The following BMAL2 variants were observed in gnomAD, a reference collection of about 807,000 sequenced individuals.
BMAL2 encodes the protein basic helix-loop-helix ARNT-like protein 2.
the BMAL2 span, among the ~76,000 whole-genome samples, chr12:27,384,487 A>T: frequency 3.9e-5 from 6 of 152,230 alleles, no homozygotes; most frequent in African/African-American, 7.2e-5. Flanking sequence ...TTAGAATTCC[A>T]GAATACCCCC....
chr12:27,413,316 G>A, the BMAL2 span, among the ~76,000 whole-genome samples: 1 of 152,072 alleles, frequency 6.6e-6, no homozygotes, highest in Non-Finnish European at 1.5e-5. Context: ...AATAATTATA[G>A]CTACAATAAT....
chr12:27,357,210 A>G, the BMAL2 span, among the ~76,000 whole-genome samples: 1 of 152,148 alleles, frequency 6.6e-6, no homozygotes. Flanking sequence ...GCTGCTGTAA[A>G]CATGCATGTG....
At chr12:27,371,414 T>G in the BMAL2 span, among the ~76,000 whole-genome samples, 2 of 152,022 alleles carry the variant, frequency 1.3e-5, no homozygotes, top group African/African-American at 4.8e-5. Context: ...GAGAAGATAT[T>G]TTAGGTGGAA....
the BMAL2 span, chr12:27,390,064 C>T: frequency 2.5e-6 from 4 of 1,603,584 alleles, no homozygotes; most frequent in South Asian, 4.5e-5. Flanking sequence ...TATTCTTTTC[C>T]ACCTATTCTC....
the BMAL2 span, among the ~76,000 whole-genome samples, chr12:27,412,717 A>T: frequency 6.6e-6 from 1 of 151,984 alleles, no homozygotes; most frequent in Non-Finnish European, 1.5e-5. Context: ...ACACACACAC[A>T]ATGGAAAACC....
chr12:27,401,486 A>C, the BMAL2 span: 1 of 1,549,828 alleles, frequency 6.5e-7, no homozygotes, highest in Non-Finnish European at 8.8e-7. Flanking sequence ...TTTTATAGTC[A>C]TTGACTATTA....
At chr12:27,409,654 C>T in the BMAL2 span, among the ~76,000 whole-genome samples, 1 of 152,138 alleles carries the variant, frequency 6.6e-6, no homozygotes, top group Non-Finnish European at 1.5e-5. Context: ...AGAAGAAAAC[C>T]TAGGCATACC....
chr12:27,359,815 T>C, the BMAL2 span, among the ~76,000 whole-genome samples: 2 of 152,162 alleles, frequency 1.3e-5, no homozygotes, highest in African/African-American at 4.8e-5. Context: ...TCATAAACCT[T>C]TCCTCTGCCA....
the BMAL2 span, among the ~76,000 whole-genome samples, chr12:27,409,150 A>G: frequency 1.3e-5 from 2 of 152,128 alleles, no homozygotes; most frequent in African/African-American, 2.4e-5. Context: ...AATCAATATC[A>G]TGAAAATGGC....
chr12:27,370,767 G>A, the BMAL2 span, among the ~76,000 whole-genome samples: 2 of 152,056 alleles, frequency 1.3e-5, no homozygotes, highest in Admixed American at 6.6e-5. Context: ...CGACACACCC[G>A]GCTAATTTTT....
the BMAL2 span, chr12:27,387,128 G>C: frequency 3.9e-6 from 3 of 772,442 alleles, no homozygotes; most frequent in Non-Finnish European, 6.5e-6. Context: ...TAGTTTTATT[G>C]CCACAGTAAT....
At chr12:27,371,436 G>T in the BMAL2 span, among the ~76,000 whole-genome samples, 16 of 152,308 alleles carry the variant, frequency 1.1e-4, no homozygotes, top group South Asian at 3.3e-3. Flanking sequence ...GAACAACCGT[G>T]CAGGCATACA....
At chr12:27,378,513 T>G in the BMAL2 span, among the ~76,000 whole-genome samples, 1 of 152,178 alleles carries the variant, frequency 6.6e-6, no homozygotes, top group Admixed American at 6.5e-5. Flanking sequence ...GTATGGCATG[T>G]GTGAGGATGA....
the BMAL2 span, among the ~76,000 whole-genome samples, chr12:27,403,127 A>G: frequency 1.3e-5 from 2 of 152,246 alleles, no homozygotes; most frequent in Non-Finnish European, 2.9e-5. Context: ...GTTTTTCACC[A>G]CAGGAATATA....
At chr12:27,401,102 G>T in the BMAL2 span, among the ~76,000 whole-genome samples, 13 of 152,222 alleles carry the variant, frequency 8.5e-5, no homozygotes, top group Non-Finnish European at 1.5e-4. Flanking sequence ...TCTAGTCTGG[G>T]TCTAGGGCAG....
chr12:27,394,480 C>T, the BMAL2 span: 1 of 152,250 alleles, frequency 6.6e-6, no homozygotes, highest in Admixed American at 6.5e-5. Flanking sequence ...CCATAGTAGA[C>T]ATTCAATAAA....
the BMAL2 span, among the ~76,000 whole-genome samples, chr12:27,353,545 G>A: frequency 2.8e-4 from 42 of 152,122 alleles, no homozygotes; most frequent in Non-Finnish European, 5.7e-4. Context: ...GTCTCCAAAA[G>A]CAATTGCAAC....
At chr12:27,372,729 A>G in the BMAL2 span, among the ~76,000 whole-genome samples, 1 of 152,062 alleles carries the variant, frequency 6.6e-6, no homozygotes, top group Non-Finnish European at 1.5e-5. Context: ...GCTGGAGTGC[A>G]GTGGCGTGAT....
the BMAL2 span, chr12:27,389,931 T>C: frequency 1.7e-6 from 1 of 577,678 alleles, no homozygotes; most frequent in Non-Finnish European, 2.8e-6. Context: ...AAATACATTT[T>C]TTGGGTATAT....
Sources: gnomAD v4.1 joint callset for allele counts (sites outside exome capture counted in the v4.1 genomes callset) on GRCh38, gnomAD v4.1.1 for gene constraint, MANE v1.5 for transcripts, NCBI Gene and HGNC (gene_info 2026-07-23, HGNC 2026-07-21) for gene names.